HAUS7: variants seen among roughly 807,000 people sequenced by gnomAD.
HAUS7 encodes HAUS augmin like complex subunit 7.
HAUS7 carries 3 observed loss-of-function variants against 28.4 expected under a neutral mutation model. The observed-to-expected ratio is 0.11, with a 90% CI of 0.05 to 0.27. HAUS7 has a LOEUF of 0.27. Among genes scored for constraint, HAUS7 ranks in the 10% least tolerant of loss-of-function variants. HAUS7 has a pLI of 1.00. For missense variants in HAUS7, 284 were observed against 297.3 expected (o/e 0.96, Z 0.33); for synonymous variants, 165 against 132.1 (o/e 1.25, Z -1.71).
At chrX:153,459,646 C>T (rs1219889006) in intron 4 of HAUS7, among the ~76,000 whole-genome samples, 2 of 111,898 alleles carry the variant, frequency 1.8e-5, no homozygotes, top group African/African-American at 3.3e-5. Flanking sequence ...GCCTGCATTA[C>T]AGCCGGGGTG....
rs949449485 is a variant in HAUS7, at chrX:153,481,337, C to G, written c.-588-10192G>C. ...AGGGCCCCTGTTGCTTGTGACCCAG[C>G]AGGGGCTGTCTCTCTTCCTCCAGGG... On this transcript the variant is annotated intron_variant, in intron 1 of 5. Coordinates refer to the HAUS7 transcript ENST00000370210. 9.3e-6 allele frequency: 7 copies of G among 753,939 alleles called. No homozygotes were observed. In the South Asian group the frequency reaches 4.0e-4, roughly 43 times the overall value. The allele number at this position is 753,939 out of a possible 1,213,427, so 62.1% of individuals were successfully genotyped here. A position where few individuals can be genotyped will look rare whatever the true frequency, so the allele number is the denominator to read the frequency against.
intron 2 of HAUS7, among the ~76,000 whole-genome samples, chrX:153,468,290 G>A (rs2089478324): frequency 8.9e-6 from 1 of 112,383 alleles, no homozygotes; most frequent in Non-Finnish European, 1.9e-5. Flanking sequence ...AGCAAGGGTA[G>A]GCAGGCCGCA....
intron 1 of HAUS7, among the ~76,000 whole-genome samples, chrX:153,475,780 G>A (rs2089558789): frequency 9.0e-6 from 1 of 110,553 alleles, no homozygotes; most frequent in African/African-American, 3.3e-5. Context: ...TGGCTGCCCT[G>A]GGCCCTGGGA....
chrX:153,470,602 G>A (rs1556985036), upstream of HAUS7: 2 of 1,192,193 alleles, frequency 1.7e-6, no homozygotes, highest in Non-Finnish European at 2.3e-6. Flanking sequence ...TGGCTTCACT[G>A]GCCGGCAAGA....
At chrX:153,492,524 C>T (rs1011460914) in intron 1 of HAUS7, among the ~76,000 whole-genome samples, 11 of 112,057 alleles carry the variant, frequency 9.8e-5, no homozygotes, top group African/African-American at 3.6e-4. Flanking sequence ...GTACAAGGAC[C>T]GTATTTATAT....
chrX:153,482,093 G>A (rs2089604121), intron 1 of HAUS7, among the ~76,000 whole-genome samples: 1 of 112,311 alleles, frequency 8.9e-6, no homozygotes, highest in South Asian at 3.7e-4. Flanking sequence ...TCCACAATTT[G>A]GTGTGACGTG....
chrX:153,473,076 G>C (rs184575801), upstream of HAUS7, among the ~76,000 whole-genome samples: 124 of 112,271 alleles, frequency 1.1e-3, no homozygotes, highest in Middle Eastern at 4.6e-3. Flanking sequence ...CTCAGTTTGT[G>C]TGGTGGGCCC....
rs149507386 is a variant in HAUS7 at position 153,489,863 on chromosome X, C to T, written c.-589+5511G>A. On this transcript the variant is annotated intron_variant, in intron 1 of 5. Coordinates refer to the HAUS7 transcript ENST00000370210. ...GTTCTGAGCCCTCCCTCCAGCCTAACACCCCCGTTCACAAGCATCTCGCCT... is the reference window on the plus strand; with the variant it reads ...GTTCTGAGCCCTCCCTCCAGCCTAATACCCCCGTTCACAAGCATCTCGCCT... 6.4e-4 allele frequency among the ~76,000 whole-genome samples: 72 copies of T among 112,621 alleles called. No individual in the cohort carries two copies. In the East Asian group the frequency reaches 0.012, roughly 19 times the overall value.
Position 153,456,372 on chromosome X carries a change from G to A in HAUS7, c.606-8C>T. The A allele has an allele frequency of 8.4e-7, 1 of 1,197,109 alleles. No homozygotes were observed. Among genetic ancestry groups the A allele is most frequent in the Non-Finnish European group, 1.1e-6 (1 of 882,474 alleles). Reference sequence around the variant, plus strand: ...TTGGCAGAGGCACTGGCCCTGCAGGGAGAGAAAGGGAACACTTGCAACTCA... The same window carrying A: ...TTGGCAGAGGCACTGGCCCTGCAGGAAGAGAAAGGGAACACTTGCAACTCA... On this transcript the variant is annotated splice_region_variant and splice_polypyrimidine_tract_variant and intron_variant, in intron 6 of 9. Transcript: ENST00000370211.
intron 1 of HAUS7, among the ~76,000 whole-genome samples, chrX:153,478,730 C>T (rs2089578880): frequency 8.8e-6 from 1 of 113,071 alleles, no homozygotes; most frequent in Admixed American, 9.3e-5. Flanking sequence ...GGCATACCCT[C>T]GCCGCCTGCA....
In HAUS7 at chrX:153,493,391, C is replaced by T. The variant is rs781834385; in HGVS notation, c.-589+1983G>A. 1.3e-4 allele frequency among the ~76,000 whole-genome samples: 15 copies of T among 112,271 alleles called. No individual in the cohort carries two copies. The South Asian group carries it at 1.5e-3, about 11-fold the overall frequency. On this transcript the variant is annotated intron_variant, in intron 1 of 5. Coordinates refer to the HAUS7 transcript ENST00000370210. Reference sequence around the variant, plus strand: ...CGCTCTCTACCGACATATTTCTCCACGAATGAGTTGGCAGTGGGGGAGGGA... The same window carrying T: ...CGCTCTCTACCGACATATTTCTCCATGAATGAGTTGGCAGTGGGGGAGGGA...
At position 153,454,415 on chromosome X, in the gene HAUS7, T is replaced by C. The variant is rs1556981547; in HGVS notation, c.1024A>G (p.Ser342Gly). Residue 342 changes from serine (S) to glycine (G), a missense_variant, in exon 9 of 10, where the codon AGC becomes GGC. Coordinates refer to ENST00000370211, the MANE Select transcript of HAUS7 (RefSeq NM_001385482.1). ...QQGEQICWGG[S>G]SSVMSLATKM... ...GTACCTAGACTCATGACGGAGCTGC[T>C]GCCACCCCAGCAGATCTGCTCGCCT... The C allele has an allele frequency of 8.4e-7, 1 of 1,190,427 alleles. No individual in the cohort carries two copies. The highest frequency in any genetic ancestry group is 3.0e-5 in the East Asian group (1 of 33,603).
chrX:153,454,366 G>A, intron 9 of HAUS7, 28 bp downstream of exon 9: 1 of 881,177 alleles, frequency 1.1e-6, no homozygotes, highest in Non-Finnish European at 1.7e-6. Flanking sequence ...GCAGCCCCAG[G>A]CAGAGGGCCA....
chrX:153,494,418 C>A (rs1425254642), intron 1 of HAUS7, among the ~76,000 whole-genome samples: 1 of 112,099 alleles, frequency 8.9e-6, no homozygotes, highest in Non-Finnish European at 1.9e-5. Flanking sequence ...GAAGGGAGGG[C>A]ACAGGGCGCC....
upstream of HAUS7, among the ~76,000 whole-genome samples, chrX:153,474,314 G>A (rs1434273164): frequency 2.7e-5 from 3 of 112,095 alleles, no homozygotes; most frequent in East Asian, 8.5e-4. Context: ...CAGTTGAGGG[G>A]CCCTCACCTG....
At chrX:153,477,606 G>A (rs1556986471) in intron 1 of HAUS7, among the ~76,000 whole-genome samples, 1 of 112,526 alleles carries the variant, frequency 8.9e-6, no homozygotes, top group East Asian at 2.8e-4. Flanking sequence ...CAAGTCTGCC[G>A]TGCCCCAGTG....
chrX:153,452,097 G>A (rs927895967), intron 9 of HAUS7, among the ~76,000 whole-genome samples: 4 of 112,541 alleles, frequency 3.6e-5, no homozygotes, highest in Non-Finnish European at 5.6e-5. Flanking sequence ...AGCTGGCTTC[G>A]CATCAGAAGC....
At chrX:153,476,673 C>T (rs1556986294) in intron 1 of HAUS7, among the ~76,000 whole-genome samples, 1 of 112,089 alleles carries the variant, frequency 8.9e-6, no homozygotes. Flanking sequence ...GACTGGGGCA[C>T]TGAGGAGGGA....
upstream of HAUS7, among the ~76,000 whole-genome samples, chrX:153,471,882 C>T (rs781827431): frequency 2.7e-5 from 3 of 112,867 alleles, no homozygotes; most frequent in East Asian, 8.3e-4. Flanking sequence ...TACCCTTCCA[C>T]GTGGCTGCTG....
Sources: gnomAD v4.1 joint callset for allele counts (sites outside exome capture counted in the v4.1 genomes callset) on GRCh38, gnomAD v4.1.1 for gene constraint, MANE v1.5 for transcripts, NCBI Gene and HGNC (gene_info 2026-07-23, HGNC 2026-07-21) for gene names.